TFEC: variants seen among roughly 807,000 people sequenced by gnomAD.
TFEC encodes class E basic helix-loop-helix protein 34.
TFEC carries 31 observed loss-of-function variants against 41.6 expected under a neutral mutation model. That is an observed-to-expected ratio of 0.74 (90% CI 0.56 to 1.01). TFEC has a LOEUF of 1.01. TFEC is among the 50% of genes least tolerant of loss of function. TFEC has a pLI of 0.00. For missense variants in TFEC, 402 were observed against 404.1 expected, an observed-to-expected ratio of 0.99 and a Z score of 0.04; for synonymous variants, 143 against 140.6, an observed-to-expected ratio of 1.02 and a Z score of -0.12.
chr7:116,136,868 C>T (rs527755132), intron 1 of TFEC, among the ~76,000 whole-genome samples: 2 of 152,012 alleles, frequency 1.3e-5, no homozygotes, highest in South Asian at 4.2e-4. Flanking sequence ...TTAATGTTAT[C>T]AAAATAAATT....
intron 1 of TFEC, among the ~76,000 whole-genome samples, chr7:116,158,021 CA>C (rs778557831): frequency 1.3e-5 from 2 of 152,148 alleles, no homozygotes; most frequent in African/African-American, 2.4e-5. Context: ...TTCGGAGCCA[CA>C]ATCTCCTTAT....
intron 1 of TFEC, among the ~76,000 whole-genome samples, chr7:116,005,150 G>T (rs74839410): frequency 0.017 from 2,559 of 152,250 alleles, 76 homozygotes; most frequent in African/African-American, 0.059. Flanking sequence ...TTTATCAGCA[G>T]CATGAAAATG....
intron 6 of TFEC, among the ~76,000 whole-genome samples, chr7:115,949,262 T>C (rs1211319141): frequency 1.3e-5 from 2 of 151,936 alleles, no homozygotes; most frequent in Admixed American, 1.3e-4. Context: ...ATCGTGAAAA[T>C]GGCCATACTG....
intron 3 of TFEC, among the ~76,000 whole-genome samples, chr7:116,046,937 G>T (rs1338674246): frequency 5.3e-5 from 8 of 152,194 alleles, no homozygotes; most frequent in Non-Finnish European, 2.9e-5. Context: ...CTCTCAGGGA[G>T]AATACCATTT....
intron 3 of TFEC, among the ~76,000 whole-genome samples, chr7:116,060,226 G>T (rs1796520926): frequency 6.6e-6 from 1 of 152,042 alleles, no homozygotes; most frequent in Non-Finnish European, 1.5e-5. Flanking sequence ...ATAACATGCT[G>T]GCAAGGTTGC....
chr7:116,139,308 A>G lies in TFEC; in HGVS notation c.-69+20482T>C, dbSNP rs1159277291. Among the ~76,000 whole-genome samples the G allele has an allele frequency of 2.0e-5, 3 of 152,168 alleles. No homozygotes were observed. In the East Asian group the frequency reaches 5.8e-4, roughly 29 times the overall value. ...GAGCTAACACGGGCGTCCCAGGAAC[A>G]ATGGCCAAGTCTAACCAGAGTTGAC... On this transcript the variant is annotated intron_variant, in intron 1 of 8. Transcript: ENST00000484212.
intron 3 of TFEC, among the ~76,000 whole-genome samples, chr7:116,068,445 G>GT (rs1796746931): frequency 6.6e-6 from 1 of 151,744 alleles, no homozygotes; most frequent in East Asian, 1.9e-4. Flanking sequence ...TAATGATGAG[G>GT]TAAAAAGCTG....
At chr7:116,059,391 G>A (rs1796501146) in intron 3 of TFEC, among the ~76,000 whole-genome samples, 1 of 151,854 alleles carries the variant, frequency 6.6e-6, no homozygotes, top group Non-Finnish European at 1.5e-5. Flanking sequence ...AAGCTCAGAT[G>A]ACTTCATTGG....
chr7:116,110,795 G>A (rs1797836570), exon 3 of TFEC: 1 of 1,548,120 alleles, frequency 6.5e-7, no homozygotes, highest in Admixed American at 2.0e-5. Context: ...AAAACTGCAT[G>A]TGGAACTCTG....
intron 7 of TFEC, 186 bp from the exon 8 acceptor site, chr7:115,941,117 A>G: frequency 1.6e-6 from 1 of 617,642 alleles, no homozygotes; most frequent in Non-Finnish European, 2.6e-6. Context: ...AATAACTCTG[A>G]GAAAATTACT....
intron 3 of TFEC, among the ~76,000 whole-genome samples, chr7:116,051,673 T>C (rs1052095484): frequency 9.2e-5 from 14 of 152,224 alleles, no homozygotes; most frequent in African/African-American, 3.4e-4. Context: ...TATGAATCTA[T>C]ATTAGCATAA....
chr7:116,090,923 C>T (rs978660219), intron 3 of TFEC, among the ~76,000 whole-genome samples: 1 of 148,386 alleles, frequency 6.7e-6, no homozygotes, highest in Non-Finnish European at 1.5e-5. Context: ...ACAATGAGAA[C>T]ATAGGGCACA....
intron 1 of TFEC, among the ~76,000 whole-genome samples, chr7:116,131,978 C>G (rs557493539): frequency 2.5e-4 from 38 of 152,164 alleles, no homozygotes; most frequent in Non-Finnish European, 5.1e-4. Flanking sequence ...AAGTTTTACT[C>G]TTGCTATAAT....
intron 6 of TFEC, among the ~76,000 whole-genome samples, chr7:115,943,665 A>G (rs1793625386): frequency 6.6e-6 from 1 of 151,660 alleles, no homozygotes; most frequent in African/African-American, 2.4e-5. Flanking sequence ...AACAATTTCA[A>G]CAAAGTAGGC....
Position 116,011,514 on chromosome 7 carries a change from T to C in TFEC, c.-73+19119A>G, listed in dbSNP as rs146555566. Among the ~76,000 whole-genome samples the C allele has an allele frequency of 6.1e-4, 93 of 152,316 alleles. No homozygotes were observed. In the East Asian group the frequency reaches 0.017, roughly 27 times the overall value. On this transcript the variant is annotated intron_variant, in intron 1 of 7. Transcript: ENST00000265440. ...TATGCTATCTATTGAAGAAATAGTA[T>C]GAAGAACTGTCCTTTCCAATTCAAC...
chr7:116,000,696 T>G (rs1794558467), intron 1 of TFEC, among the ~76,000 whole-genome samples: 1 of 152,112 alleles, frequency 6.6e-6, no homozygotes, highest in African/African-American at 2.4e-5. Context: ...TAATCCCATT[T>G]GCAATAGCTA....
chr7:115,971,919 T>A (rs1286236969), intron 3 of TFEC, among the ~76,000 whole-genome samples: 1 of 152,054 alleles, frequency 6.6e-6, no homozygotes. Context: ...ATAAATTCCT[T>A]TCATGCTTAA....
chr7:116,155,975 A>C (rs1170120723), intron 1 of TFEC, among the ~76,000 whole-genome samples: 1 of 152,188 alleles, frequency 6.6e-6, no homozygotes, highest in Non-Finnish European at 1.5e-5. Context: ...ATTTTTAAAA[A>C]ATATTGCATT....
intron 1 of TFEC, chr7:116,112,117 A>G: frequency 3.9e-6 from 3 of 771,358 alleles, no homozygotes; most frequent in Non-Finnish European, 4.7e-6. Context: ...TACGTTGTAC[A>G]TTATTATAAG....
Sources: gnomAD v4.1 joint callset for allele counts (sites outside exome capture counted in the v4.1 genomes callset) on GRCh38, gnomAD v4.1.1 for gene constraint, MANE v1.5 for transcripts, NCBI Gene and HGNC (gene_info 2026-07-23, HGNC 2026-07-21) for gene names.